SLC9A9: variants seen among roughly 807,000 people sequenced by gnomAD.
SLC9A9 encodes sodium/hydrogen exchanger 9.
In SLC9A9, 62 loss-of-function variants were observed where a neutral mutation model predicts 77.8. The ratio of observed to expected loss-of-function variants is 0.80; its 90% CI spans 0.65 to 0.98. The LOEUF (loss-of-function observed/expected upper bound fraction) is 0.98, where lower values mean the gene tolerates loss of function less well. Among genes scored for constraint, SLC9A9 ranks in the 50% least tolerant of loss-of-function variants. The pLI is 0.00. For missense variants in SLC9A9, 775 were observed against 774.9 expected, an observed-to-expected ratio of 1.00 and a Z score of 0.00; for synonymous variants, 320 against 283.5, an observed-to-expected ratio of 1.13 and a Z score of -1.29.
chr3:143,338,506 T>G (rs1576433693), intron 14 of SLC9A9, among the ~76,000 whole-genome samples: 2 of 152,160 alleles, frequency 1.3e-5, no homozygotes, highest in Admixed American at 6.5e-5. Flanking sequence ...TTATTTCCGA[T>G]TAAATCATTC....
intron 12 of SLC9A9, among the ~76,000 whole-genome samples, chr3:143,426,627 G>A (rs2034413233): frequency 6.6e-6 from 1 of 152,116 alleles, no homozygotes; most frequent in Non-Finnish European, 1.5e-5. Flanking sequence ...CATGCAGCAT[G>A]CAGAAAAAAA....
intron 12 of SLC9A9, among the ~76,000 whole-genome samples, chr3:143,406,563 G>A (rs1401446249): frequency 6.6e-6 from 1 of 152,032 alleles, no homozygotes; most frequent in African/African-American, 2.4e-5. Flanking sequence ...GTTTCACCAT[G>A]TTGGTCAAGC....
At chr3:143,366,936 GA>G (rs2032925239) in intron 13 of SLC9A9, among the ~76,000 whole-genome samples, 1 of 152,140 alleles carries the variant, frequency 6.6e-6, no homozygotes. Context: ...AAAACATAAT[GA>G]AAATTTAGAG....
chr3:143,320,770 C>T lies in SLC9A9; in HGVS notation c.1604+42714G>A, dbSNP rs78219486. 6.7e-3 allele frequency among the ~76,000 whole-genome samples: 1,027 copies of T among 152,246 alleles called. 5 individuals are homozygous for T. The highest frequency in any genetic ancestry group is 0.024 in the African/African-American group (982 of 41,530). ...TATGCCCCCAAAAGATATGTTCAAG[C>T]CTTAACCCCTAATACCTGTACATGT... On this transcript the variant is annotated intron_variant, in intron 14 of 15. Coordinates refer to ENST00000316549, the MANE Select transcript of SLC9A9 (RefSeq NM_173653.4).
chr3:143,825,414 G>A (rs1236355109), intron 2 of SLC9A9, among the ~76,000 whole-genome samples: 11 of 148,968 alleles, frequency 7.4e-5, no homozygotes, highest in Non-Finnish European at 7.4e-5. Context: ...TGGATGGTGA[G>A]AAAAAAAAAA....
chr3:143,520,407 C>T (rs113532499), intron 9 of SLC9A9, among the ~76,000 whole-genome samples: 80 of 152,280 alleles, frequency 5.3e-4, no homozygotes, highest in African/African-American at 1.8e-3. Flanking sequence ...GGAAGAGAGT[C>T]CTCACCAGAT....
chr3:143,740,255 T>C (rs777402270), intron 4 of SLC9A9, among the ~76,000 whole-genome samples: 10 of 152,238 alleles, frequency 6.6e-5, no homozygotes, highest in South Asian at 4.1e-4. Context: ...GAGAGAGATA[T>C]ATATATAGCC....
At chr3:143,844,777 CTTTCTTTCTTTCT>C (rs1367113154) in intron 1 of SLC9A9, among the ~76,000 whole-genome samples, 1 of 138,400 alleles carries the variant, frequency 7.2e-6, no homozygotes, top group Admixed American at 7.5e-5. Flanking sequence ...TTCTTTCTTT[CTTTCTTTCTTTCT>C]GACACAGTCT....
At chr3:143,303,587 A>G (rs2030634221) in intron 14 of SLC9A9, among the ~76,000 whole-genome samples, 1 of 152,230 alleles carries the variant, frequency 6.6e-6, no homozygotes, top group Non-Finnish European at 1.5e-5. Context: ...GGAAAGACAC[A>G]GTGAGACTTG....
chr3:143,283,713 C>T (rs981611173), intron 14 of SLC9A9, among the ~76,000 whole-genome samples: 4 of 152,204 alleles, frequency 2.6e-5, no homozygotes, highest in Non-Finnish European at 5.9e-5. Flanking sequence ...GTCTAGACCC[C>T]TTTCAGAGTG....
At chr3:143,362,640 G>GA (rs1156837136) in intron 14 of SLC9A9, among the ~76,000 whole-genome samples, 4 of 152,112 alleles carry the variant, frequency 2.6e-5, no homozygotes, top group Admixed American at 2.6e-4. Context: ...CTTAGGCACT[G>GA]AAAATCATCC....
At chr3:143,289,891 T>C (rs1270068108) in intron 14 of SLC9A9, among the ~76,000 whole-genome samples, 1 of 152,178 alleles carries the variant, frequency 6.6e-6, no homozygotes, top group African/African-American at 2.4e-5. Flanking sequence ...ATCAAAAGCT[T>C]CCTGTGGCCC....
At chr3:143,672,027 A>G (rs143034359) in intron 5 of SLC9A9, among the ~76,000 whole-genome samples, 2 of 152,364 alleles carry the variant, frequency 1.3e-5, no homozygotes, top group African/African-American at 4.8e-5. Flanking sequence ...ATAATTCAGG[A>G]ACACAAACTT....
intron 6 of SLC9A9, among the ~76,000 whole-genome samples, chr3:143,612,626 C>T (rs907198501): frequency 6.6e-6 from 1 of 152,140 alleles, no homozygotes; most frequent in Admixed American, 6.6e-5. Context: ...TCATAGTATC[C>T]CTTTATTTAT....
intron 2 of SLC9A9, among the ~76,000 whole-genome samples, chr3:143,797,297 A>G (rs1438467327): frequency 6.6e-6 from 1 of 151,952 alleles, no homozygotes; most frequent in African/African-American, 2.4e-5. Context: ...TCCCATTCCA[A>G]AATTTAAAAC....
At chr3:143,821,838 T>G (rs985301410) in intron 2 of SLC9A9, among the ~76,000 whole-genome samples, 1 of 152,202 alleles carries the variant, frequency 6.6e-6, no homozygotes, top group Non-Finnish European at 1.5e-5. Context: ...TCCAACTATG[T>G]GTTAACTCAT....
At chr3:143,781,696 T>A (rs571742163) in intron 4 of SLC9A9, among the ~76,000 whole-genome samples, 11 of 152,296 alleles carry the variant, frequency 7.2e-5, no homozygotes, top group African/African-American at 2.6e-4. Context: ...AAATAAAGAT[T>A]GTAGGAACCT....
intron 4 of SLC9A9, among the ~76,000 whole-genome samples, chr3:143,705,530 ATTGCATGCCTGTATC>A (rs1188626520): frequency 1.1e-4 from 16 of 152,250 alleles, no homozygotes; most frequent in Admixed American, 4.6e-4. Context: ...ATTATTATGC[ATTGCATGCCTGTATC>A]AGTGAATCAC....
intron 4 of SLC9A9, among the ~76,000 whole-genome samples, chr3:143,722,163 T>G (rs144387481): frequency 3.3e-5 from 5 of 152,112 alleles, no homozygotes; most frequent in African/African-American, 1.2e-4. Flanking sequence ...ATCCAGTAGT[T>G]TTTTTGCAGG....
Sources: gnomAD v4.1 joint callset for allele counts (sites outside exome capture counted in the v4.1 genomes callset) on GRCh38, gnomAD v4.1.1 for gene constraint, MANE v1.5 for transcripts, NCBI Gene and HGNC (gene_info 2026-07-23, HGNC 2026-07-21) for gene names.